The following UBE2K variants were observed in gnomAD, a reference collection of about 807,000 sequenced individuals.
UBE2K encodes the protein ubiquitin-conjugating enzyme E2 K.
Under a neutral mutation model 30.0 loss-of-function variants are expected in UBE2K, and 6 were observed. That is an observed-to-expected ratio of 0.20 (90% CI 0.11 to 0.39). The LOEUF is 0.39. Among genes scored for constraint, UBE2K ranks in the 10% least tolerant of loss-of-function variants. UBE2K has a pLI of 1.00. For synonymous variants in UBE2K, 86 were observed against 83.7 expected (o/e 1.03, Z -0.15); for missense variants, 61 against 241.6 (o/e 0.25, Z 4.96).
intron 1 of UBE2K, among the ~76,000 whole-genome samples, chr4:39,708,695 C>A (rs1718510310): frequency 6.6e-6 from 1 of 152,014 alleles, no homozygotes. Flanking sequence ...TGAAACAGAT[C>A]TAGGCCAAAC....
chr4:39,747,109 C>T lies in UBE2K; in HGVS notation c.216+1299C>T, dbSNP rs1721023543. ...AATGGAAGTTCCAGGGTGATTTTGG[C>T]TCACTTAGCATTATGGGCTGCCTAT... On this transcript the variant is annotated intron_variant, in intron 3 of 6. Coordinates refer to ENST00000261427, the MANE Select transcript of UBE2K (RefSeq NM_005339.5). Among the ~76,000 whole-genome samples, 3 of 152,140 alleles carry T rather than the reference C, an allele frequency of 2.0e-5. No homozygotes were observed. In the South Asian group the frequency reaches 6.2e-4, roughly 31 times the overall value.
chr4:39,704,704 C>T (rs1718233255), intron 1 of UBE2K, among the ~76,000 whole-genome samples: 1 of 151,944 alleles, frequency 6.6e-6, no homozygotes, highest in Non-Finnish European at 1.5e-5. Context: ...CCATGCCCAG[C>T]TAATTTATGT....
At chr4:39,740,862 CAAAAAA>C (rs57382171) in intron 2 of UBE2K, among the ~76,000 whole-genome samples, 1 of 69,782 alleles carries the variant, frequency 1.4e-5, no homozygotes, top group African/African-American at 4.2e-5. Flanking sequence ...GACTCCGTCT[CAAAAAA>C]AAAAAAAAAA....
intron 4 of UBE2K, among the ~76,000 whole-genome samples, chr4:39,768,208 G>C (rs1712474385): frequency 6.6e-6 from 1 of 151,172 alleles, no homozygotes; most frequent in Non-Finnish European, 1.5e-5. Context: ...GGAGGCAGAA[G>C]TGGACGGTTC....
intron 1 of UBE2K, among the ~76,000 whole-genome samples, chr4:39,730,648 A>G (rs1349584983): frequency 4.0e-5 from 6 of 151,744 alleles, no homozygotes. Flanking sequence ...GGCGCCTATA[A>G]TTGCAGCTAC....
chr4:39,714,016 A>C (rs2109316025), intron 1 of UBE2K: 1 of 152,258 alleles, frequency 6.6e-6, no homozygotes, highest in Admixed American at 6.6e-5. Flanking sequence ...CATCCTTCCA[A>C]GTAGCTGGGA....
intron 1 of UBE2K, among the ~76,000 whole-genome samples, chr4:39,706,899 G>T (rs749914936): frequency 2.0e-5 from 3 of 151,718 alleles, no homozygotes; most frequent in Admixed American, 6.6e-5. Flanking sequence ...TTTGAATGAG[G>T]GAGGTTCTTT....
chr4:39,725,682 C>T (rs1441898329), intron 1 of UBE2K, among the ~76,000 whole-genome samples: 1 of 152,182 alleles, frequency 6.6e-6, no homozygotes, highest in Non-Finnish European at 1.5e-5. Flanking sequence ...TCCCCCTTCC[C>T]CCTGCCAGAA....
At chr4:39,745,649 A>G (rs533788456) in intron 2 of UBE2K, 103 bp from the exon 3 acceptor site, 5 of 722,100 alleles carry the variant, frequency 6.9e-6, no homozygotes, top group South Asian at 4.0e-5. Context: ...ATGAATTTTT[A>G]TAATTGAATA....
chr4:39,775,346 A>G (rs964976844), intron 5 of UBE2K, among the ~76,000 whole-genome samples: 2 of 152,212 alleles, frequency 1.3e-5, no homozygotes, highest in Non-Finnish European at 2.9e-5. Context: ...ATGACCTTGT[A>G]ATTTGTTGAA....
chr4:39,762,240 A>G (rs1712003621), intron 4 of UBE2K, among the ~76,000 whole-genome samples: 1 of 151,564 alleles, frequency 6.6e-6, no homozygotes, highest in African/African-American at 2.4e-5. Context: ...TTATTTACTT[A>G]TTGTAGAGAT....
chr4:39,728,827 GT>G (rs372834149), intron 1 of UBE2K, among the ~76,000 whole-genome samples: 98 of 128,624 alleles, frequency 7.6e-4, no homozygotes, highest in East Asian at 1.7e-3. Flanking sequence ...TGTTTTTTTT[GT>G]TTTTTTTTTT....
chr4:39,772,518 T>C (rs1663363076), intron 4 of UBE2K, among the ~76,000 whole-genome samples: 2 of 151,850 alleles, frequency 1.3e-5, no homozygotes, highest in South Asian at 4.2e-4. Context: ...AAGGCTACAG[T>C]GAGCCTTGAT....
At chr4:39,743,060 G>A (rs1020890640) in intron 2 of UBE2K, among the ~76,000 whole-genome samples, 1 of 149,120 alleles carries the variant, frequency 6.7e-6, no homozygotes, top group Non-Finnish European at 1.5e-5. Context: ...AAAAAAAAAA[G>A]AGAAGGATTC....
chr4:39,705,458 C>T (rs1440839795), intron 1 of UBE2K, among the ~76,000 whole-genome samples: 1 of 151,902 alleles, frequency 6.6e-6, no homozygotes, highest in African/African-American at 2.4e-5. Flanking sequence ...CTTGGCCTCC[C>T]AAAGTGCTGG....
At chr4:39,772,722 C>G (rs1465101122) in intron 4 of UBE2K, among the ~76,000 whole-genome samples, 2 of 147,336 alleles carry the variant, frequency 1.4e-5, no homozygotes, top group African/African-American at 2.6e-5. Flanking sequence ...GAGTCTCGCT[C>G]TGTCGCCCAG....
At chr4:39,707,584 C>G (rs1002422890) in intron 1 of UBE2K, among the ~76,000 whole-genome samples, 2 of 150,430 alleles carry the variant, frequency 1.3e-5, no homozygotes, top group African/African-American at 4.9e-5. Context: ...CCCAGGGGCA[C>G]AATCATAGCT....
At chr4:39,741,655 GA>G (rs1720710427) in intron 2 of UBE2K, among the ~76,000 whole-genome samples, 1 of 152,136 alleles carries the variant, frequency 6.6e-6, no homozygotes, top group South Asian at 2.1e-4. Context: ...GTACTCACGG[GA>G]AAATGCCATA....
At chr4:39,757,301 C>CA (rs1469528161) in intron 4 of UBE2K, among the ~76,000 whole-genome samples, 3 of 152,092 alleles carry the variant, frequency 2.0e-5, no homozygotes, top group African/African-American at 7.2e-5. Context: ...GTTGGGATTA[C>CA]AGGCATGAGC....
Sources: allele counts gnomAD v4.1 joint callset (sites outside exome capture counted in the v4.1 genomes callset), GRCh38; gene constraint gnomAD v4.1.1; transcripts MANE v1.5; gene names NCBI Gene and HGNC (gene_info 2026-07-23, HGNC 2026-07-21).